Variants in KIAA1671 observed in about 807,000 individuals in gnomAD.
The protein encoded by KIAA1671 is uncharacterized protein KIAA1671.
KIAA1671 carries 52 observed loss-of-function variants against 131.2 expected under a neutral mutation model. The observed-to-expected ratio is 0.40, with a 90% CI of 0.32 to 0.50. KIAA1671 has a LOEUF of 0.50. Among genes scored for constraint, KIAA1671 ranks in the 20% least tolerant of loss-of-function variants. KIAA1671 has a pLI of 0.73. For missense variants in KIAA1671, 2,360 were observed against 2,364.2 expected, an observed-to-expected ratio of 1.00 and a Z score of 0.04; for synonymous variants, 1,003 against 961.6, an observed-to-expected ratio of 1.04 and a Z score of -0.80.
chr22:25,164,782 T>C (rs1601373521), intron 6 of KIAA1671, among the ~76,000 whole-genome samples: 1 of 152,052 alleles, frequency 6.6e-6, no homozygotes, highest in East Asian at 1.9e-4. Context: ...ACCCCCTCTC[T>C]ACTAAAAATA....
intron 6 of KIAA1671, among the ~76,000 whole-genome samples, chr22:25,076,892 T>G (rs1367131213): frequency 6.6e-6 from 1 of 152,222 alleles, no homozygotes; most frequent in Non-Finnish European, 1.5e-5. Context: ...AATGGGTTGA[T>G]CTCATTATTA....
chr22:25,039,300 C>T lies in KIAA1671; in HGVS notation c.2170C>T (p.Pro724Ser), dbSNP rs1275906089. The T allele has an allele frequency of 1.9e-6, 3 of 1,552,102 alleles. No individual in the cohort carries two copies. Among genetic ancestry groups the T allele is most frequent in the Non-Finnish European group, 2.6e-6 (3 of 1,147,116 alleles). ...CTTCCTCAAACACTTGGAAAATCCT[C>T]CCACATCGCAGAGAATTGAGCCCAG... ...NTFLKHLENPPTSQRIEPRYD... is the reference protein window; with the variant it reads ...NTFLKHLENPSTSQRIEPRYD... The change falls in exon 5 of 13, where the codon CCC (proline) becomes TCC (serine). Residue 724 changes from proline to serine, a missense_variant. This residue lies in a region of KIAA1671 where 1,185 missense variants were observed against 1,126.2 expected (regional missense o/e 1.05). Transcript: ENST00000358431.
chr22:25,022,200 T>A (rs903972220), intron 1 of KIAA1671, among the ~76,000 whole-genome samples: 1 of 152,212 alleles, frequency 6.6e-6, no homozygotes, highest in African/African-American at 2.4e-5. Context: ...ATGGTGGCAT[T>A]CCCAGGAGGT....
intron 1 of KIAA1671, among the ~76,000 whole-genome samples, chr22:24,969,014 G>A (rs7288071): frequency 0.031 from 4,787 of 152,060 alleles, 245 homozygotes; most frequent in African/African-American, 0.11. Context: ...ATTCTCCCAC[G>A]TCAACCTCCT....
Position 25,193,286 on chromosome 22 carries a change from T to G in KIAA1671, c.*885T>G, listed in dbSNP as rs1934726129. 2 of 152,230 alleles carry G rather than the reference T, an allele frequency of 1.3e-5. No homozygotes were observed. The highest frequency in any genetic ancestry group is 1.3e-4 in the Admixed American group (2 of 15,284). 9.4% of individuals were successfully genotyped at this position (152,230 alleles called of 1,614,324 possible). The stretch of plus-strand genomic sequence containing the variant: ...GGCTTCTTTTCATTTGAGCTCTGGT[T>G]TCGGTAGGGTGACCTTTGCCCCTTG... On this transcript the variant is annotated 3_prime_UTR_variant, in exon 13 of 13. Transcript: ENST00000358431.
chr22:25,070,853 T>C (rs1051732238), intron 6 of KIAA1671, among the ~76,000 whole-genome samples: 1 of 152,336 alleles, frequency 6.6e-6, no homozygotes, highest in Admixed American at 6.5e-5. Flanking sequence ...TTCCTTTTCC[T>C]GAACCTACAC....
chr22:25,129,018 C>T (rs944765442), intron 6 of KIAA1671, among the ~76,000 whole-genome samples: 12 of 152,176 alleles, frequency 7.9e-5, no homozygotes, highest in Admixed American at 3.9e-4. Context: ...GGGAGGCAGC[C>T]GCACTTAGTG....
chr22:24,980,956 A>G (rs547026793), intron 1 of KIAA1671, among the ~76,000 whole-genome samples: 1 of 152,090 alleles, frequency 6.6e-6, no homozygotes, highest in African/African-American at 2.4e-5. Flanking sequence ...CATGTTGGCC[A>G]GGCTGGTCTC....
chr22:25,126,286 C>G (rs73401837), intron 6 of KIAA1671, among the ~76,000 whole-genome samples: 174 of 152,334 alleles, frequency 1.1e-3, no homozygotes, highest in African/African-American at 4.0e-3. Context: ...CCTGGGCACA[C>G]CTATGATTTA....
chr22:24,974,589 C>A (rs916341918), intron 1 of KIAA1671, among the ~76,000 whole-genome samples: 1 of 151,940 alleles, frequency 6.6e-6, no homozygotes, highest in African/African-American at 2.4e-5. Flanking sequence ...TATGTGTATA[C>A]CACCTGGGCT....
chr22:25,017,128 A>G (rs1047792421), intron 1 of KIAA1671, among the ~76,000 whole-genome samples: 8 of 152,084 alleles, frequency 5.3e-5, no homozygotes, highest in Non-Finnish European at 1.2e-4. Flanking sequence ...CATGCCTGTA[A>G]TCCCAGCAGT....
At chr22:25,144,383 C>A (rs369015221) in intron 6 of KIAA1671, among the ~76,000 whole-genome samples, 1 of 152,310 alleles carries the variant, frequency 6.6e-6, no homozygotes, top group East Asian at 1.9e-4. Flanking sequence ...TCTGCAGATA[C>A]ACCTGGCTCC....
intron 6 of KIAA1671, among the ~76,000 whole-genome samples, chr22:25,086,322 A>G (rs916449718): frequency 1.9e-4 from 29 of 152,322 alleles, no homozygotes; most frequent in African/African-American, 6.5e-4. Context: ...TGAGTGAAAA[A>G]GTGGTTCTTG....
chr22:25,144,841 A>G (rs1240377427), intron 6 of KIAA1671, among the ~76,000 whole-genome samples: 1 of 152,128 alleles, frequency 6.6e-6, no homozygotes, highest in Non-Finnish European at 1.5e-5. Flanking sequence ...TCCCCAGACA[A>G]GCCCCATCAC....
intron 11 of KIAA1671, chr22:25,185,442 G>A (rs566685829): frequency 3.6e-6 from 1 of 275,966 alleles, no homozygotes; most frequent in South Asian, 1.2e-4. Context: ...TGGGGAAACT[G>A]AGGCATTCTC....
chr22:25,189,419 C>T (rs1380471756), intron 11 of KIAA1671, among the ~76,000 whole-genome samples: 2 of 152,098 alleles, frequency 1.3e-5, no homozygotes, highest in Non-Finnish European at 1.5e-5. Context: ...GTGATCCGCC[C>T]AGCTCGGCCT....
chr22:24,977,881 A>C (rs1457114111), intron 1 of KIAA1671, among the ~76,000 whole-genome samples: 1 of 152,184 alleles, frequency 6.6e-6, no homozygotes, highest in Non-Finnish European at 1.5e-5. Context: ...TTCTTGTCTT[A>C]AACAAACCAA....
intron 5 of KIAA1671, among the ~76,000 whole-genome samples, chr22:25,042,835 A>C (rs1927022313): frequency 6.6e-6 from 1 of 152,116 alleles, no homozygotes; most frequent in Non-Finnish European, 1.5e-5. Flanking sequence ...GAAGTGAGGC[A>C]GGTGCTACAG....
chr22:25,064,766 A>C (rs923888702), intron 6 of KIAA1671: 3 of 152,200 alleles, frequency 2.0e-5, no homozygotes, highest in Admixed American at 1.3e-4. Context: ...GCCTAGATCT[A>C]AAGATGATTT....
Sources: allele counts gnomAD v4.1 joint callset (sites outside exome capture counted in the v4.1 genomes callset), GRCh38; gene constraint gnomAD v4.1.1; regional missense constraint gnomAD v4.1.1; transcripts MANE v1.5; gene names NCBI Gene and HGNC (gene_info 2026-07-23, HGNC 2026-07-21).